Variants in ZNF263 observed in about 807,000 individuals in gnomAD.
ZNF263 encodes zinc finger protein FPM315.
In ZNF263, 49 loss-of-function variants were observed where a neutral mutation model predicts 63.1. The observed-to-expected ratio is 0.78, with a 90% CI of 0.62 to 0.99. The LOEUF (loss-of-function observed/expected upper bound fraction) is 0.99, where lower values mean the gene tolerates loss of function less well. Among genes scored for constraint, ZNF263 ranks in the 50% least tolerant of loss-of-function variants. The pLI is 0.00. For missense variants in ZNF263, 872 were observed against 854.8 expected, an observed-to-expected ratio of 1.02 and a Z score of -0.25; for synonymous variants, 352 against 324.2, an observed-to-expected ratio of 1.09 and a Z score of -0.92.
downstream of ZNF263, among the ~76,000 whole-genome samples, chr16:3,292,150 G>GA (rs1555462548): frequency 2.0e-5 from 3 of 152,172 alleles, no homozygotes; most frequent in Non-Finnish European, 4.4e-5. Flanking sequence ...CGGATGCCAG[G>GA]AAAACACCTC....
intron 2 of ZNF263, chr16:3,300,120 TTTGA>T: frequency 6.2e-7 from 1 of 1,614,224 alleles, no homozygotes; most frequent in Non-Finnish European, 8.5e-7. Flanking sequence ...GTTTCTCCTC[TTTGA>T]TTATCATGGA....
chr16:3,289,776 C>G lies in ZNF263; in HGVS notation c.1270C>G (p.Leu424Val), dbSNP rs748082036. 1 of 1,614,232 alleles carries G rather than the reference C, an allele frequency of 6.2e-7. No homozygotes were observed. The highest frequency in any genetic ancestry group is 2.2e-5 in the East Asian group (1 of 44,882). Residue 424 changes from leucine to valine, a missense_variant, in exon 6 of 6, where the codon CTA (leucine) becomes GTA (valine). Leu to Val is a conservative substitution (Grantham distance 32, BLOSUM62 1). Coordinates refer to ENST00000219069, the MANE Select transcript of ZNF263 (RefSeq NM_005741.5). ...TGGTGGGAACCCACGTTTCCTGTCA[C>G]TACACAGAGCACACCTGGGAGAGGA... ...IFGGNPRFLSLHRAHLGEEAH... is the reference protein window; with the variant it reads ...IFGGNPRFLSVHRAHLGEEAH...
intron 2 of ZNF263, 56 bp downstream of exon 2, chr16:3,285,295 C>T (rs994090629): frequency 7.8e-6 from 12 of 1,528,914 alleles, no homozygotes; most frequent in East Asian, 2.4e-5. Flanking sequence ...GGGTTGCCCC[C>T]GACACTAGCT....
intron 1 of ZNF263, among the ~76,000 whole-genome samples, chr16:3,297,079 CG>C (rs1030506924): frequency 1.3e-5 from 2 of 151,912 alleles, no homozygotes; most frequent in Non-Finnish European, 2.9e-5. Flanking sequence ...CTGAGGCAGG[CG>C]GATCACGAGG....
Position 3,290,214 on chromosome 16 carries a change from G to A in ZNF263, c.1708G>A (p.Ala570Thr). ...PFLTNHGAHK[A>T]EKKLFECLTC... ...TCTTACAAACCATGGAGCCCATAAGGCAGAGAAGAAGCTCTTTGAATGTTT... is the reference window on the plus strand; with the variant it reads ...TCTTACAAACCATGGAGCCCATAAGACAGAGAAGAAGCTCTTTGAATGTTT... The change falls in exon 6 of 6, where the codon GCA becomes ACA. Residue 570 changes from alanine (A) to threonine (T), a missense_variant. Coordinates refer to ENST00000219069, the MANE Select transcript of ZNF263 (RefSeq NM_005741.5). 1 of 1,614,170 alleles carries A rather than the reference G, an allele frequency of 6.2e-7. No homozygotes were observed. Among genetic ancestry groups the A allele is most frequent in the Non-Finnish European group, 8.5e-7 (1 of 1,180,042 alleles).
intron 4 of ZNF263, chr16:3,286,901 A>G (rs1300567004): frequency 1.3e-5 from 2 of 152,168 alleles, no homozygotes; most frequent in African/African-American, 2.4e-5. Context: ...CTGTGTGTAC[A>G]TTATGATTAT....
In ZNF263 at chr16:3,290,706, C is replaced by G; in HGVS notation, c.*148C>G. Reference sequence around the variant, plus strand: ...CATTGTGAGGGAGGTGCAGAGGCAGCAGAGGATTGGCATAAAACTGAAAAG... The same window carrying G: ...CATTGTGAGGGAGGTGCAGAGGCAGGAGAGGATTGGCATAAAACTGAAAAG... On this transcript the variant is annotated 3_prime_UTR_variant, in exon 6 of 6. Transcript: ENST00000219069. The G allele has an allele frequency of 1.4e-6, 2 of 1,432,424 alleles. No individual in the cohort carries two copies. Among genetic ancestry groups the G allele is most frequent in the Non-Finnish European group, 1.8e-6 (2 of 1,099,084 alleles). 88.7% of individuals were successfully genotyped at this position (1,432,424 alleles called of 1,614,324 possible). A position where few individuals can be genotyped will look rare whatever the true frequency, so the allele number is the denominator to read the frequency against.
At position 3,291,154 on chromosome 16, in the gene ZNF263, T is replaced by C. The variant is rs1210015799; in HGVS notation, c.*596T>C. ...CATTGGCAGATTACACATGTAAATA[T>C]GACCTCAGACAAAAAGGAACCAGAG... On this transcript the variant is annotated 3_prime_UTR_variant, in exon 6 of 6. Transcript: ENST00000219069. The C allele has an allele frequency of 2.0e-6, 2 of 985,762 alleles. No homozygotes were observed. Among genetic ancestry groups the C allele is most frequent in the Non-Finnish European group, 2.4e-6 (2 of 830,314 alleles). 61.1% of individuals were successfully genotyped at this position (985,762 alleles called of 1,614,324 possible). A position where few individuals can be genotyped will look rare whatever the true frequency, so the allele number is the denominator to read the frequency against.
At chr16:3,297,814 A>AT (rs1959802362) in intron 1 of ZNF263, among the ~76,000 whole-genome samples, 1 of 152,196 alleles carries the variant, frequency 6.6e-6, no homozygotes, top group South Asian at 2.1e-4. Context: ...CTGAAAGCCA[A>AT]TAAGAGCTAA....
At chr16:3,285,985 G>T (rs1567250030) in intron 3 of ZNF263, 38 bp from the exon 4 acceptor site, 6 of 1,613,642 alleles carry the variant, frequency 3.7e-6, no homozygotes, top group African/African-American at 1.3e-5. Flanking sequence ...ATTGTTCTTG[G>T]TGCATCAGGG....
Position 3,283,554 on chromosome 16 carries a change from T to C in ZNF263, c.-265T>C. ...CTGAGTCTTGCGTGGGTCCTCTATATAGGGTGAGAAGCGTGGCGCTCGGTT... is the reference window on the plus strand; with the variant it reads ...CTGAGTCTTGCGTGGGTCCTCTATACAGGGTGAGAAGCGTGGCGCTCGGTT... On this transcript the variant is annotated 5_prime_UTR_variant, in exon 1 of 6. Coordinates refer to ENST00000219069, the MANE Select transcript of ZNF263 (RefSeq NM_005741.5). 5.8e-6 allele frequency: 2 copies of C among 342,980 alleles called. No homozygotes were observed. Among genetic ancestry groups the C allele is most frequent in the Admixed American group, 5.0e-5 (1 of 19,960 alleles). The allele number at this position is 342,980 out of a possible 1,614,324, so 21.2% of individuals were successfully genotyped here.
intron 1 of ZNF263, among the ~76,000 whole-genome samples, chr16:3,284,473 T>C (rs1040399976): frequency 2.6e-5 from 4 of 152,230 alleles, no homozygotes; most frequent in Admixed American, 6.5e-5. Context: ...AAATCCTCAA[T>C]CTGCTAGTAC....
At position 3,290,285 on chromosome 16, in the gene ZNF263, TC is replaced by T; in HGVS notation, c.1780del (p.Gln594ArgfsTer25). 6.2e-7 allele frequency: 1 copy of T among 1,613,846 alleles called. No homozygotes were observed. Among genetic ancestry groups the T allele is most frequent in the Non-Finnish European group, 8.5e-7 (1 of 1,179,972 alleles). ...FRQGMHLTRH[Q>X]RTHTGEKPYK... ...GGCAGGGCATGCACCTCACCAGACATCAGAGAACACACACAGGAGAGAAACC... is the reference window on the plus strand; with the variant it reads ...GGCAGGGCATGCACCTCACCAGACATAGAGAACACACACAGGAGAGAAACC... On this transcript the variant is annotated frameshift_variant, in exon 6 of 6. Coordinates refer to ENST00000219069, the MANE Select transcript of ZNF263 (RefSeq NM_005741.5). LOFTEE classifies it high-confidence loss of function.
chr16:3,292,114 G>A (rs1004476355), downstream of ZNF263, among the ~76,000 whole-genome samples: 3 of 152,098 alleles, frequency 2.0e-5, no homozygotes, highest in Admixed American at 1.3e-4. Context: ...TGTGGGAAAC[G>A]GGGGAGTATT....
chr16:3,285,959 C>A (rs1184054401), intron 3 of ZNF263, 64 bp from the exon 4 acceptor site: 5 of 1,612,946 alleles, frequency 3.1e-6, no homozygotes, highest in Middle Eastern at 3.3e-4. Context: ...CCCCTTTAAC[C>A]CATGACTCTG....
chr16:3,285,125 G>C lies in ZNF263; in HGVS notation c.454G>C (p.Glu152Gln), dbSNP rs1171925668. ...EEPLPLETAR[E>Q]SPSFKLEPME... ...GCCTTTGCCTCTGGAAACAGCACGA[G>C]AGTCACCGAGCTTCAAGCTGGAGCC... Residue 152 changes from glutamate (E) to glutamine (Q), a missense_variant, in exon 2 of 6, where the codon GAG (glutamate) becomes CAG (glutamine). Transcript: ENST00000219069. 4 of 1,614,062 alleles carry C rather than the reference G, an allele frequency of 2.5e-6. No homozygotes were observed. Among genetic ancestry groups the C allele is most frequent in the South Asian group, 1.1e-5 (1 of 91,086 alleles).
chr16:3,300,602 C>T, intron 2 of ZNF263: 1 of 1,569,390 alleles, frequency 6.4e-7, no homozygotes, highest in East Asian at 2.2e-5. Context: ...GTATATTTCC[C>T]TCTCTTATTC....
chr16:3,288,369 C>G (rs1959460028), intron 4 of ZNF263, 85 bp from the exon 5 acceptor site: 16 of 933,944 alleles, frequency 1.7e-5, no homozygotes, highest in Non-Finnish European at 2.8e-5. Context: ...TGTATTTATC[C>G]ACTGAGGGCA....
chr16:3,300,788 T>C, intron 2 of ZNF263: 1 of 1,163,314 alleles, frequency 8.6e-7, no homozygotes, highest in Non-Finnish European at 1.2e-6. Flanking sequence ...GAAGAGCTAG[T>C]CTAGAGGTGG....
Sources: gnomAD v4.1 joint callset for allele counts (sites outside exome capture counted in the v4.1 genomes callset) on GRCh38, gnomAD v4.1.1 for gene constraint, MANE v1.5 for transcripts, NCBI Gene and HGNC (gene_info 2026-07-23, HGNC 2026-07-21) for gene names.